Variants in VAV3 observed in about 807,000 individuals in gnomAD.
The protein encoded by VAV3 is vav guanine nucleotide exchange factor 3, also known as guanine nucleotide exchange factor VAV3.
In VAV3, 94 loss-of-function variants were observed where a neutral mutation model predicts 131.2. That is an observed-to-expected ratio of 0.72 (90% CI 0.61 to 0.85). VAV3 has a LOEUF of 0.85. Ranked by LOEUF, VAV3 falls within the 40% of genes least tolerant of loss-of-function variation. The pLI is 0.00. For synonymous variants in VAV3, 349 were observed against 342.0 expected (o/e 1.02, Z -0.22); for missense variants, 939 against 1,002.7 (o/e 0.94, Z 0.86).
At chr1:107,753,517 T>C (rs79609252) in intron 12 of VAV3, among the ~76,000 whole-genome samples, 437 of 21,802 alleles carry the variant, frequency 0.02, 16 homozygotes, top group African/African-American at 0.045. Context: ...TACACACATA[T>C]ATATATATAC....
chr1:107,936,147 T>C (rs975706464), intron 1 of VAV3, among the ~76,000 whole-genome samples: 3 of 152,182 alleles, frequency 2.0e-5, no homozygotes, highest in Admixed American at 6.5e-5. Context: ...AAAATATGAA[T>C]TGATAGATAA....
intron 9 of VAV3, 134 bp downstream of exon 9, chr1:107,764,942 T>C (rs1664653125): frequency 1.6e-6 from 1 of 612,448 alleles, no homozygotes; most frequent in Admixed American, 3.1e-5. Context: ...TAGAGCTGTT[T>C]AAATATTTTA....
chr1:107,696,777 A>G (rs760863857), intron 17 of VAV3, among the ~76,000 whole-genome samples: 13 of 152,160 alleles, frequency 8.5e-5, no homozygotes, highest in Non-Finnish European at 1.6e-4. Flanking sequence ...TGCTGAAATC[A>G]TATCACACTC....
chr1:107,964,769 G>A lies in VAV3; in HGVS notation c.101C>T (p.Ala34Val), dbSNP rs558845667. ...CAGGACTCCATCGCGGAGGGTCTGC[G>A]CAAGGTCGAACACCTGAGCCGAGTC... ...TWDSAQVFDL[A>V]QTLRDGVLLC... Residue 34 changes from alanine (A) to valine (V), a missense_variant, in exon 1 of 27, where the codon GCG (alanine) becomes GTG (valine). Physicochemically the swap from Ala to Val is moderately conservative, Grantham distance 64. Coordinates refer to ENST00000370056, the MANE Select transcript of VAV3 (RefSeq NM_006113.5). 1.9e-6 allele frequency: 3 copies of A among 1,614,050 alleles called. No individual in the cohort carries two copies. Among genetic ancestry groups the A allele is most frequent in the South Asian group, 2.2e-5 (2 of 91,072 alleles).
In VAV3 at chr1:107,736,653, T is replaced by C. The variant is rs1459536680; in HGVS notation, c.1502+12315A>G. Among the ~76,000 whole-genome samples the C allele has an allele frequency of 9.9e-5, 15 of 152,078 alleles. No individual in the cohort carries two copies. In the East Asian group the frequency reaches 2.7e-3, roughly 27 times the overall value. On this transcript the variant is annotated intron_variant, in intron 15 of 26. Coordinates refer to ENST00000370056, the MANE Select transcript of VAV3 (RefSeq NM_006113.5). ...CTAGGAATCCAACTTACAAGGGATG[T>C]GAAGGATGTCTTCAAGGAGAACTAC...
intron 1 of VAV3, among the ~76,000 whole-genome samples, chr1:107,952,468 T>TTA (rs1161088981): frequency 0.043 from 5,159 of 118,996 alleles, 595 homozygotes; most frequent in African/African-American, 0.17. Flanking sequence ...TAACAAAACT[T>TTA]TATATATATA....
chr1:107,735,458 A>AG (rs1448491699), intron 15 of VAV3, among the ~76,000 whole-genome samples: 2 of 152,200 alleles, frequency 1.3e-5, no homozygotes, highest in African/African-American at 4.8e-5. Context: ...ATAGACCGCT[A>AG]GCAAGACTAA....
intron 15 of VAV3, among the ~76,000 whole-genome samples, chr1:107,708,126 G>A (rs1338153515): frequency 6.6e-6 from 1 of 152,138 alleles, no homozygotes; most frequent in Non-Finnish European, 1.5e-5. Flanking sequence ...GCAAAGACAT[G>A]AGATAGGTTG....
At chr1:107,819,935 T>A (rs1667724881) in intron 2 of VAV3, among the ~76,000 whole-genome samples, 2 of 152,148 alleles carry the variant, frequency 1.3e-5, no homozygotes, top group African/African-American at 2.4e-5. Context: ...TTAAAATGGC[T>A]TTTATCCAAA....
intron 1 of VAV3, among the ~76,000 whole-genome samples, chr1:107,953,720 T>C (rs1247969765): frequency 1.3e-5 from 2 of 152,118 alleles, no homozygotes; most frequent in Non-Finnish European, 1.5e-5. Context: ...TAAACCATGC[T>C]GCCCCCATGC....
At chr1:107,929,089 G>A (rs1184776937) in intron 1 of VAV3, among the ~76,000 whole-genome samples, 1 of 151,968 alleles carries the variant, frequency 6.6e-6, no homozygotes, top group East Asian at 1.9e-4. Context: ...CAGGCCATGA[G>A]GGAGTGACAT....
intron 15 of VAV3, among the ~76,000 whole-genome samples, chr1:107,733,671 C>T (rs1012537580): frequency 9.2e-5 from 14 of 151,484 alleles, no homozygotes; most frequent in Admixed American, 7.9e-4. Flanking sequence ...TGAAATGAAG[C>T]GAGAAGAGAA....
intron 25 of VAV3, among the ~76,000 whole-genome samples, chr1:107,582,217 C>G (rs776557309): frequency 2.0e-5 from 3 of 152,128 alleles, no homozygotes; most frequent in Non-Finnish European, 2.9e-5. Context: ...GATGGCCTAA[C>G]ACCAGAGAAC....
intron 20 of VAV3, among the ~76,000 whole-genome samples, chr1:107,635,671 A>T (rs1241068735): frequency 6.6e-6 from 1 of 152,156 alleles, no homozygotes; most frequent in Non-Finnish European, 1.5e-5. Context: ...CACAAATTTG[A>T]TGGTGACAGT....
At chr1:107,927,946 G>A (rs2101188758) in intron 1 of VAV3, among the ~76,000 whole-genome samples, 1 of 152,234 alleles carries the variant, frequency 6.6e-6, no homozygotes, top group Non-Finnish European at 1.5e-5. Context: ...TAGCCAGGGA[G>A]TGGTTACAGT....
chr1:107,620,590 G>A (rs1653505338), intron 20 of VAV3, among the ~76,000 whole-genome samples: 1 of 152,026 alleles, frequency 6.6e-6, no homozygotes, highest in South Asian at 2.1e-4. Context: ...AGTAACTCAT[G>A]ACTATATGTC....
intron 25 of VAV3, chr1:107,576,309 T>C: frequency 5.9e-6 from 7 of 1,178,530 alleles, no homozygotes; most frequent in Non-Finnish European, 6.9e-6. Context: ...TGTATCCGTA[T>C]GAGAAGCCAT....
chr1:107,776,162 C>T (rs1008035306), intron 4 of VAV3, among the ~76,000 whole-genome samples: 4 of 152,152 alleles, frequency 2.6e-5, no homozygotes, highest in African/African-American at 9.7e-5. Context: ...ATTATTATTG[C>T]CAGGTGTAAT....
At chr1:107,772,377 GA>G (rs1227733971) in intron 5 of VAV3, among the ~76,000 whole-genome samples, 1 of 151,980 alleles carries the variant, frequency 6.6e-6, no homozygotes, top group African/African-American at 2.4e-5. Context: ...AATTTAAAGG[GA>G]AAAATTTACC....
Sources: gnomAD v4.1 joint callset for allele counts (sites outside exome capture counted in the v4.1 genomes callset) on GRCh38, gnomAD v4.1.1 for gene constraint, MANE v1.5 for transcripts, NCBI Gene and HGNC (gene_info 2026-07-23, HGNC 2026-07-21) for gene names.